PPP1R9A: variants seen among roughly 807,000 people sequenced by gnomAD.
PPP1R9A encodes neurabin-1.
PPP1R9A carries 59 observed loss-of-function variants against 141.9 expected under a neutral mutation model. The ratio of observed to expected loss-of-function variants is 0.42; its 90% CI spans 0.34 to 0.52. The LOEUF is 0.52. Ranked by LOEUF, PPP1R9A falls within the 20% of genes least tolerant of loss-of-function variation. PPP1R9A has a pLI of 0.10. For missense variants in PPP1R9A, 1,444 were observed against 1,611.9 expected (o/e 0.90, Z 1.78); for synonymous variants, 500 against 569.7 (o/e 0.88, Z 1.74).
intron 4 of PPP1R9A, among the ~76,000 whole-genome samples, chr7:95,144,872 T>C (rs959703448): frequency 1.3e-5 from 2 of 152,128 alleles, no homozygotes; most frequent in African/African-American, 4.8e-5. Context: ...ATAAATAAAT[T>C]CAGCAAACTT....
At chr7:95,082,798 G>A (rs1816079852) in intron 2 of PPP1R9A, among the ~76,000 whole-genome samples, 1 of 135,078 alleles carries the variant, frequency 7.4e-6, no homozygotes, top group Non-Finnish European at 1.5e-5. Context: ...TTGAGACGGA[G>A]TCTTGCTCTG....
At chr7:95,118,227 G>A (rs763888036) in intron 3 of PPP1R9A, among the ~76,000 whole-genome samples, 6 of 152,100 alleles carry the variant, frequency 3.9e-5, no homozygotes, top group African/African-American at 1.2e-4. Flanking sequence ...TTTCTGTGGC[G>A]AAACTTTAAA....
intron 2 of PPP1R9A, among the ~76,000 whole-genome samples, chr7:94,974,683 A>G (rs1799234973): frequency 6.6e-6 from 1 of 152,092 alleles, no homozygotes; most frequent in Admixed American, 6.6e-5. Flanking sequence ...TATTTTCTTA[A>G]CTCCTGGGAA....
At chr7:95,185,731 A>C (rs1834551170) in intron 5 of PPP1R9A, among the ~76,000 whole-genome samples, 1 of 152,164 alleles carries the variant, frequency 6.6e-6, no homozygotes, top group African/African-American at 2.4e-5. Context: ...ATGCAGTTTC[A>C]TTCTTCTACA....
intron 2 of PPP1R9A, among the ~76,000 whole-genome samples, chr7:94,947,324 C>T (rs1028972218): frequency 5.3e-5 from 8 of 152,220 alleles, no homozygotes; most frequent in Admixed American, 5.2e-4. Context: ...CCACCCTCTC[C>T]TGAATTCCTG....
chr7:94,936,670 G>T (rs1794802035), intron 2 of PPP1R9A, among the ~76,000 whole-genome samples: 1 of 151,514 alleles, frequency 6.6e-6, no homozygotes, highest in Non-Finnish European at 1.5e-5. Flanking sequence ...GTGTGTGTGT[G>T]TGTGTGTGTG....
intron 2 of PPP1R9A, among the ~76,000 whole-genome samples, chr7:95,007,550 A>C (rs1039158423): frequency 6.6e-6 from 1 of 152,186 alleles, no homozygotes; most frequent in Non-Finnish European, 1.5e-5. Context: ...AGAACCCAGT[A>C]ATTTTTACTT....
At chr7:95,239,825 C>A (rs1239034574) in intron 8 of PPP1R9A, among the ~76,000 whole-genome samples, 2 of 151,212 alleles carry the variant, frequency 1.3e-5, no homozygotes, top group Non-Finnish European at 3.0e-5. Flanking sequence ...AAATTAAGAA[C>A]AAAATATAAT....
At chr7:95,026,437 C>A (rs1056910506) in intron 2 of PPP1R9A, among the ~76,000 whole-genome samples, 1 of 152,168 alleles carries the variant, frequency 6.6e-6, no homozygotes, top group South Asian at 2.1e-4. Context: ...GCTGCCTGTT[C>A]CTTGCTCTGG....
At chr7:95,212,068 G>T (rs1041250782) in intron 7 of PPP1R9A, among the ~76,000 whole-genome samples, 1 of 152,132 alleles carries the variant, frequency 6.6e-6, no homozygotes, top group African/African-American at 2.4e-5. Context: ...TCTTTGAACT[G>T]CTTATGTAGC....
chr7:95,140,143 A>G (rs1826383629), intron 4 of PPP1R9A, among the ~76,000 whole-genome samples: 11 of 152,148 alleles, frequency 7.2e-5, no homozygotes, highest in Admixed American at 7.2e-4. Flanking sequence ...AGCTCCATTC[A>G]TTTTTCCACT....
intron 2 of PPP1R9A, among the ~76,000 whole-genome samples, chr7:94,956,236 G>A (rs1363726092): frequency 6.6e-6 from 1 of 152,078 alleles, no homozygotes; most frequent in Non-Finnish European, 1.5e-5. Context: ...AAGCTTTCAA[G>A]AGAAAATTAG....
chr7:95,082,329 G>C (rs1815984149), intron 2 of PPP1R9A, among the ~76,000 whole-genome samples: 1 of 152,082 alleles, frequency 6.6e-6, no homozygotes, highest in African/African-American at 2.4e-5. Context: ...GTAGAGCTGT[G>C]AGCATGCTCG....
intron 2 of PPP1R9A, among the ~76,000 whole-genome samples, chr7:94,944,166 A>G (rs1352259780): frequency 1.3e-5 from 2 of 151,182 alleles, no homozygotes; most frequent in African/African-American, 2.4e-5. Flanking sequence ...GAACATTCCA[A>G]TTCTTCTCTT....
At chr7:94,924,105 C>T (rs929385908) in intron 2 of PPP1R9A, among the ~76,000 whole-genome samples, 1 of 152,074 alleles carries the variant, frequency 6.6e-6, no homozygotes, top group African/African-American at 2.4e-5. Context: ...GCAACATTAA[C>T]AGACAAACCA....
intron 2 of PPP1R9A, among the ~76,000 whole-genome samples, chr7:94,958,976 A>T (rs1797340690): frequency 1.3e-5 from 2 of 152,022 alleles, no homozygotes; most frequent in Admixed American, 1.3e-4. Flanking sequence ...AGAAATAGTT[A>T]ATGGACAACC....
chr7:95,123,086 A>G (rs1239132200), intron 4 of PPP1R9A, among the ~76,000 whole-genome samples: 1 of 152,156 alleles, frequency 6.6e-6, no homozygotes, highest in East Asian at 1.9e-4. Flanking sequence ...TTTTGCATTT[A>G]GTAGTTAACC....
chr7:95,217,548 C>T (rs1321783598), intron 7 of PPP1R9A, among the ~76,000 whole-genome samples: 7 of 152,226 alleles, frequency 4.6e-5, no homozygotes, highest in Admixed American at 2.0e-4. Flanking sequence ...AGGAATGGTA[C>T]CAGCTCCTCC....
chr7:95,070,610 T>TATATATATATATATATATATATATAC (rs1321187469), intron 2 of PPP1R9A, among the ~76,000 whole-genome samples: 1 of 94,118 alleles, frequency 1.1e-5, no homozygotes, highest in Non-Finnish European at 2.9e-5. Flanking sequence ...TATATATATA[T>TATATATATATATATATATATATATAC]ACACACACAC....
Sources: gnomAD v4.1 joint callset for allele counts (sites outside exome capture counted in the v4.1 genomes callset) on GRCh38, gnomAD v4.1.1 for gene constraint, MANE v1.5 for transcripts, NCBI Gene and HGNC (gene_info 2026-07-23, HGNC 2026-07-21) for gene names.